The following SNAP91 variants were observed in gnomAD, a reference collection of about 807,000 sequenced individuals.
The protein encoded by SNAP91 is clathrin coat assembly protein AP180.
In SNAP91, 27 loss-of-function variants were observed where a neutral mutation model predicts 100.3. The ratio of observed to expected loss-of-function variants is 0.27; its 90% CI spans 0.20 to 0.37. The LOEUF is 0.37. Ranked by LOEUF, SNAP91 falls within the 10% of genes least tolerant of loss-of-function variation. The pLI is 1.00. For missense variants in SNAP91, 986 were observed against 1,123.7 expected (o/e 0.88, Z 1.75); for synonymous variants, 404 against 398.6 (o/e 1.01, Z -0.16).
chr6:83,563,880 C>A (rs1480773158), intron 26 of SNAP91, among the ~76,000 whole-genome samples: 1 of 152,018 alleles, frequency 6.6e-6, no homozygotes, highest in Non-Finnish European at 1.5e-5. Flanking sequence ...GGAAAGACAC[C>A]CTTTGTTCAT....
intron 7 of SNAP91, among the ~76,000 whole-genome samples, chr6:83,650,093 T>C (rs1281845035): frequency 6.6e-6 from 1 of 152,212 alleles, no homozygotes; most frequent in Non-Finnish European, 1.5e-5. Context: ...TTCATGGTTA[T>C]ATTTCAAAAG....
At chr6:83,709,249 A>C (rs2099421224), upstream of SNAP91, 1 of 152,176 alleles carries the variant, frequency 6.6e-6, no homozygotes, top group African/African-American at 2.4e-5. Context: ...GGGAGCTTAA[A>C]GGCGAGGGGG....
chr6:83,606,159 G>T (rs1355654960), intron 13 of SNAP91, among the ~76,000 whole-genome samples: 1 of 152,086 alleles, frequency 6.6e-6, no homozygotes, highest in East Asian at 1.9e-4. Context: ...TGATCTATGT[G>T]CAGCATTCTA....
chr6:83,573,367 T>C (rs909336465), intron 26 of SNAP91, among the ~76,000 whole-genome samples: 2 of 152,046 alleles, frequency 1.3e-5, no homozygotes, highest in Admixed American at 1.3e-4. Flanking sequence ...GTGAAAATGG[T>C]CATACTGCCC....
At chr6:83,583,835 G>A (rs1582320481) in intron 22 of SNAP91, among the ~76,000 whole-genome samples, 2 of 152,162 alleles carry the variant, frequency 1.3e-5, no homozygotes, top group Middle Eastern at 3.2e-3. Flanking sequence ...TGGCAATGCT[G>A]TTTGAGTTAT....
intron 7 of SNAP91, among the ~76,000 whole-genome samples, chr6:83,651,532 C>T (rs1053867111): frequency 8.6e-5 from 13 of 152,044 alleles, no homozygotes; most frequent in Admixed American, 8.5e-4. Flanking sequence ...GTTTAATCTC[C>T]ACCTATTCTG....
At chr6:83,566,593 T>C (rs917180991) in intron 26 of SNAP91, among the ~76,000 whole-genome samples, 1 of 152,176 alleles carries the variant, frequency 6.6e-6, no homozygotes, top group African/African-American at 2.4e-5. Flanking sequence ...GAAGAAATTG[T>C]CTGAGTTAGT....
intron 26 of SNAP91, among the ~76,000 whole-genome samples, chr6:83,570,303 A>AT (rs1168130779): frequency 6.6e-6 from 1 of 152,212 alleles, no homozygotes; most frequent in Non-Finnish European, 1.5e-5. Flanking sequence ...AAGAGGTGAC[A>AT]TGGGTGCTGT....
chr6:83,654,945 A>G (rs566978279), intron 7 of SNAP91, among the ~76,000 whole-genome samples: 1 of 152,312 alleles, frequency 6.6e-6, no homozygotes, highest in Admixed American at 6.5e-5. Flanking sequence ...GTTTTCTGTC[A>G]TCTAGCAGAG....
intron 22 of SNAP91, among the ~76,000 whole-genome samples, chr6:83,583,660 G>A (rs1189786790): frequency 1.3e-5 from 2 of 152,090 alleles, no homozygotes. Context: ...CCTACATAAA[G>A]TTTAAGTATA....
chr6:83,656,905 T>A, intron 6 of SNAP91, 40 bp from the exon 7 acceptor site: 1 of 913,514 alleles, frequency 1.1e-6, no homozygotes. Context: ...GGCATATCAT[T>A]AAGTCTTAAT....
chr6:83,697,218 C>G lies in SNAP91; in HGVS notation c.130+10580G>C, dbSNP rs1588026740. 2.6e-5 allele frequency among the ~76,000 whole-genome samples: 4 copies of G among 151,562 alleles called. No homozygotes were observed. In the East Asian group the frequency reaches 7.7e-4, roughly 29 times the overall value. On this transcript the variant is annotated intron_variant, in intron 2 of 29. Transcript: ENST00000369694. ...TGTAGTCACTTTTGAAATTGTTTTT[C>G]TTTTGTAATTATCTTAACCAGGTAT... is the stretch of plus-strand genomic sequence containing the variant.
chr6:83,557,567 G>A (rs905511145), intron 28 of SNAP91, among the ~76,000 whole-genome samples: 10 of 151,944 alleles, frequency 6.6e-5, no homozygotes, highest in African/African-American at 2.2e-4. Flanking sequence ...CCAGCTACTC[G>A]AGAGGCTGAG....
At chr6:83,673,515 G>T (rs1219256066) in intron 2 of SNAP91, among the ~76,000 whole-genome samples, 1 of 152,124 alleles carries the variant, frequency 6.6e-6, no homozygotes, top group Admixed American at 6.6e-5. Flanking sequence ...GGTAGCCCCT[G>T]CAAACTAATA....
chr6:83,659,169 G>A, intron 5 of SNAP91, 77 bp from the exon 6 acceptor site: 1 of 1,081,660 alleles, frequency 9.2e-7, no homozygotes, highest in Admixed American at 2.4e-5. Context: ...GTTCTAAGCT[G>A]TTCCCCCACA....
intron 24 of SNAP91, 63 bp downstream of exon 24, chr6:83,580,387 G>GAA: frequency 6.8e-7 from 1 of 1,474,154 alleles, no homozygotes; most frequent in Non-Finnish European, 9.2e-7. Context: ...GAGAGAGAGA[G>GAA]AAACAAAAAA....
rs1274280955 is a variant in SNAP91 at position 83,658,979 on chromosome 6, T to C, written c.546+20A>G. ...GACAACATTGATTGTGTATGAAACA[T>C]TTTCTAGTGAGATACATACATCAAA... On this transcript the variant is annotated intron_variant, in intron 6 of 29. Transcript: ENST00000369694. The C allele has an allele frequency of 6.5e-7, 1 of 1,543,332 alleles. No individual in the cohort carries two copies. The highest frequency in any genetic ancestry group is 8.9e-7 in the Non-Finnish European group (1 of 1,129,622).
At chr6:83,659,705 T>C (rs28610893) in intron 5 of SNAP91, among the ~76,000 whole-genome samples, 31,490 of 152,052 alleles carry the variant, frequency 0.21, 3,607 homozygotes, top group Middle Eastern at 0.4. Flanking sequence ...GTGCTGAGAC[T>C]ATAGCCATGA....
intron 2 of SNAP91, among the ~76,000 whole-genome samples, chr6:83,683,425 G>A (rs540218870): frequency 5.9e-5 from 9 of 152,252 alleles, no homozygotes; most frequent in African/African-American, 1.9e-4. Flanking sequence ...ACGGTAATGA[G>A]TTAATTCTTT....
Sources: allele counts gnomAD v4.1 joint callset (sites outside exome capture counted in the v4.1 genomes callset), GRCh38; gene constraint gnomAD v4.1.1; transcripts MANE v1.5; gene names NCBI Gene and HGNC (gene_info 2026-07-23, HGNC 2026-07-21).